CDKN2B-AS1: variants seen among roughly 807,000 people sequenced by gnomAD.
CDKN2B-AS1 encodes CDKN2B antisense RNA 1 (non-protein coding).
rs1821202353 is a variant in CDKN2B-AS1 at position 22,006,632 on chromosome 9, GC to G, written n.29+11473del. Among the ~76,000 whole-genome samples, 1 of 152,096 alleles carries G rather than the reference GC, an allele frequency of 6.6e-6. No individual in the cohort carries two copies. Among genetic ancestry groups the G allele is most frequent in the Admixed American group, 6.5e-5 (1 of 15,268 alleles). On this transcript the variant is annotated intron_variant and non_coding_transcript_variant, in intron 1 of 4. Coordinates refer to ENST00000650946, the Ensembl canonical transcript of CDKN2B-AS1. This position sits in a 1 kb window ranked among gnomAD's most constrained non-coding sequence, Gnocchi z 6.4. ...CGGCTTTTAAAGTTTTAAATTATTT[GC>G]CTTGCTGACCCCTCCTCCATAATCC...
At chr9:22,122,060 AT>A (rs35831924) in intron 4 of CDKN2B-AS1, among the ~76,000 whole-genome samples, 3,163 of 145,370 alleles carry the variant, frequency 0.022, 105 homozygotes, top group African/African-American at 0.073. Context: ...AGCATTTGTT[AT>A]TTTTTTTTTT....
chr9:22,053,475 A>G (rs1179120166), intron 3 of CDKN2B-AS1, among the ~76,000 whole-genome samples: 1 of 152,226 alleles, frequency 6.6e-6, no homozygotes, highest in African/African-American at 2.4e-5. Context: ...AGCTTGGCAG[A>G]TAATTCCCAG....
intron 4 of CDKN2B-AS1, among the ~76,000 whole-genome samples, chr9:22,126,183 G>A (rs941986555): frequency 6.6e-6 from 1 of 152,142 alleles, no homozygotes. Flanking sequence ...TGGCAAAGGC[G>A]GAAGAAAAGC....
intron 1 of CDKN2B-AS1, among the ~76,000 whole-genome samples, chr9:22,031,492 C>T (rs1225606098): frequency 1.3e-5 from 2 of 152,144 alleles, no homozygotes; most frequent in Non-Finnish European, 2.9e-5. Context: ...GGTCCTGATA[C>T]TCATGCTTTC....
At chr9:22,095,288 A>G (rs1184872629) in intron 4 of CDKN2B-AS1, among the ~76,000 whole-genome samples, 1 of 144,702 alleles carries the variant, frequency 6.9e-6, no homozygotes, top group Non-Finnish European at 1.5e-5. Context: ...CAGTCTGTCC[A>G]TTCTCAGATC....
rs541854795 is a variant in CDKN2B-AS1, at chr9:22,010,721, T to A, written n.29+15560T>A. On this transcript the variant is annotated intron_variant and non_coding_transcript_variant, in intron 1 of 4. Coordinates refer to ENST00000650946, the Ensembl canonical transcript of CDKN2B-AS1. ...AGCATTAATAACAATTTCTTTTTCTTTCCCATCCAACCCCCATTTCCTAGT... is the reference window on the plus strand; with the variant it reads ...AGCATTAATAACAATTTCTTTTTCTATCCCATCCAACCCCCATTTCCTAGT... Among the ~76,000 whole-genome samples the A allele has an allele frequency of 9.8e-5, 15 of 152,300 alleles. No homozygotes were observed. The East Asian group carries it at 2.9e-3, about 29-fold the overall frequency.
chr9:22,008,591 A>G, intron 1 of CDKN2B-AS1: 1 of 1,444,704 alleles, frequency 6.9e-7, no homozygotes, highest in East Asian at 2.4e-5. Context: ...AAACCACTAA[A>G]AAAAGCTTAA....
intron 4 of CDKN2B-AS1, chr9:22,092,225 A>G (rs936763721): frequency 6.6e-6 from 1 of 152,312 alleles, no homozygotes; most frequent in East Asian, 1.9e-4. Flanking sequence ...TCAGTTTGCC[A>G]GTATTTTATT....
chr9:22,015,108 C>A (rs572628861), intron 1 of CDKN2B-AS1, among the ~76,000 whole-genome samples: 2 of 152,084 alleles, frequency 1.3e-5, no homozygotes, highest in South Asian at 4.2e-4. Flanking sequence ...GATTTATAAT[C>A]CTTTGGGTAT....
intron 4 of CDKN2B-AS1, among the ~76,000 whole-genome samples, chr9:22,100,402 C>G (rs1825442293): frequency 6.6e-6 from 1 of 152,180 alleles, no homozygotes. Context: ...CAAATGGAAT[C>G]ATACAAAAGG....
chr9:22,051,612 G>A (rs576181096), intron 3 of CDKN2B-AS1, among the ~76,000 whole-genome samples: 3 of 152,216 alleles, frequency 2.0e-5, no homozygotes, highest in African/African-American at 7.2e-5. Flanking sequence ...ATCCTACTGG[G>A]ACTCTAGAAG....
intron 1 of CDKN2B-AS1, among the ~76,000 whole-genome samples, chr9:22,013,711 C>G (rs147046435): frequency 3.9e-5 from 6 of 152,158 alleles, no homozygotes; most frequent in Non-Finnish European, 7.4e-5. Flanking sequence ...CCTCGGCCCC[C>G]CAAAGTGCTG....
intron 3 of CDKN2B-AS1, chr9:22,056,236 T>TATA (rs1384648009): frequency 8.4e-6 from 1 of 119,686 alleles, no homozygotes; most frequent in Non-Finnish European, 1.8e-5. Flanking sequence ...ATATATATAT[T>TATA]TTTTTTTTTT....
intron 1 of CDKN2B-AS1, chr9:22,012,098 G>C: frequency 1.3e-6 from 1 of 750,468 alleles, no homozygotes; most frequent in Non-Finnish European, 2.3e-6. Context: ...ATAGAAGTAT[G>C]AACAGATCTG....
chr9:22,052,243 C>G (rs989485616), intron 3 of CDKN2B-AS1, among the ~76,000 whole-genome samples: 1 of 152,126 alleles, frequency 6.6e-6, no homozygotes, highest in Non-Finnish European at 1.5e-5. Flanking sequence ...GCTTCAATGT[C>G]TGACTCATTA....
chr9:22,100,612 G>A (rs914262697), intron 4 of CDKN2B-AS1, among the ~76,000 whole-genome samples: 2 of 151,834 alleles, frequency 1.3e-5, no homozygotes, highest in African/African-American at 4.8e-5. Flanking sequence ...TATGAATAAT[G>A]CTGTTATAAA....
At chr9:22,098,305 A>G (rs1825359061) in intron 4 of CDKN2B-AS1, among the ~76,000 whole-genome samples, 1 of 151,584 alleles carries the variant, frequency 6.6e-6, no homozygotes, top group Non-Finnish European at 1.5e-5. Flanking sequence ...TATAGTAAAA[A>G]AGAGGGGACT....
At chr9:22,042,826 G>T (rs911248991) in intron 1 of CDKN2B-AS1, among the ~76,000 whole-genome samples, 2 of 152,082 alleles carry the variant, frequency 1.3e-5, no homozygotes, top group African/African-American at 4.8e-5. Flanking sequence ...TCTGACTCTT[G>T]TCACACAATC....
At chr9:22,035,530 C>T (rs995669740) in intron 1 of CDKN2B-AS1, among the ~76,000 whole-genome samples, 1 of 152,124 alleles carries the variant, frequency 6.6e-6, no homozygotes, top group African/African-American at 2.4e-5. Flanking sequence ...GCCCTGGTGG[C>T]CCTGTGAGTG....
Sources: allele counts gnomAD v4.1 joint callset (sites outside exome capture counted in the v4.1 genomes callset), GRCh38; gene constraint gnomAD v4.1.1; non-coding constraint Gnocchi (gnomAD v3.1); transcripts MANE v1.5; gene names NCBI Gene and HGNC (gene_info 2026-07-23, HGNC 2026-07-21).